Variants in WDR43 observed in about 807,000 individuals in gnomAD.
The protein encoded by WDR43 is WD repeat-containing protein 43.
A neutral mutation model predicts 91.4 loss-of-function variants in WDR43; 13 were observed. That is an observed-to-expected ratio of 0.14 (90% CI 0.09 to 0.23). The LOEUF is 0.23. Ranked by LOEUF, WDR43 falls within the 10% of genes least tolerant of loss-of-function variation. The probability of loss-of-function intolerance (pLI) is 1.00; values close to 1 mark genes in which losing one functional copy is unlikely to be tolerated. For synonymous variants in WDR43, 331 were observed against 287.9 expected, an observed-to-expected ratio of 1.15 and a Z score of -1.51; for missense variants, 780 against 809.4, an observed-to-expected ratio of 0.96 and a Z score of 0.44.
In WDR43 at chr2:28,918,051, CA is replaced by C; in HGVS notation, c.849+57del. ...TTGGGTTTCACAGATGTTATTTTTACAGTCAAGGTTTTGATGATTTAATGAC... is the reference window on the plus strand; with the variant it reads ...TTGGGTTTCACAGATGTTATTTTTACGTCAAGGTTTTGATGATTTAATGAC... On this transcript the variant is annotated intron_variant, in intron 6 of 17. Coordinates refer to ENST00000407426, the MANE Select transcript of WDR43 (RefSeq NM_015131.3). The C allele has an allele frequency of 4.2e-6, 6 of 1,424,702 alleles. No homozygotes were observed. In the South Asian group the frequency reaches 7.6e-5, roughly 18 times the overall value. 88.3% of individuals were successfully genotyped at this position (1,424,702 alleles called of 1,614,324 possible). A position where few individuals can be genotyped will look rare whatever the true frequency, so the allele number is the denominator to read the frequency against.
chr2:28,906,589 A>G lies in WDR43; in HGVS notation c.485+8A>G, dbSNP rs780193125. 3 of 1,610,634 alleles carry G rather than the reference A, an allele frequency of 1.9e-6. No individual in the cohort carries two copies. The Admixed American group carries it at 5.0e-5, about 27-fold the overall frequency. ...GACATGCAAAGTAAAGTGGTGAGTAACATTCATGGTATCAGGAAATGCAAT... is the reference window on the plus strand; with the variant it reads ...GACATGCAAAGTAAAGTGGTGAGTAGCATTCATGGTATCAGGAAATGCAAT... On this transcript the variant is annotated splice_region_variant and intron_variant, in intron 3 of 17. Coordinates refer to ENST00000407426, the MANE Select transcript of WDR43 (RefSeq NM_015131.3).
chr2:28,917,876 C>A lies in WDR43; in HGVS notation c.747-17C>A. 6.4e-7 allele frequency: 1 copy of A among 1,559,470 alleles called. No individual in the cohort carries two copies. Among genetic ancestry groups the A allele is most frequent in the South Asian group, 1.2e-5 (1 of 83,300 alleles). ...TAAATCTGTCTTGCTATCTAACTTG[C>A]TGGTTTTGTTATCTAGGCAGGTCCG... On this transcript the variant is annotated splice_polypyrimidine_tract_variant and intron_variant, in intron 5 of 17. Coordinates refer to ENST00000407426, the MANE Select transcript of WDR43 (RefSeq NM_015131.3).
chr2:28,946,875 A>G lies in WDR43; in HGVS notation c.*96A>G. 2.2e-6 allele frequency: 3 copies of G among 1,389,968 alleles called. No homozygotes were observed. In the South Asian group the frequency reaches 4.6e-5, roughly 21 times the overall value. The allele number at this position is 1,389,968 out of a possible 1,614,324, so 86.1% of individuals were successfully genotyped here. ...GTGCCAGGATGCCAAGGACCGCTGC[A>G]CATTTCCAAATTCACAGCAGTGGAT... On this transcript the variant is annotated 3_prime_UTR_variant, in exon 18 of 18. Coordinates refer to ENST00000407426, the MANE Select transcript of WDR43 (RefSeq NM_015131.3).
In WDR43 at chr2:28,917,886, T is replaced by C; in HGVS notation, c.747-7T>C. The C allele has an allele frequency of 6.4e-7, 1 of 1,563,716 alleles. No individual in the cohort carries two copies. The highest frequency in any genetic ancestry group is 8.7e-7 in the Non-Finnish European group (1 of 1,154,180). ...TTGCTATCTAACTTGCTGGTTTTGT[T>C]ATCTAGGCAGGTCCGATCAGAAAAC... On this transcript the variant is annotated splice_region_variant and splice_polypyrimidine_tract_variant and intron_variant, in intron 5 of 17. Transcript: ENST00000407426.
In WDR43 at chr2:28,894,683, C is replaced by T; in HGVS notation, c.-16C>T. On this transcript the variant is annotated 5_prime_UTR_variant, in exon 1 of 18. Coordinates refer to ENST00000407426, the MANE Select transcript of WDR43 (RefSeq NM_015131.3). Reference sequence around the variant, plus strand: ...CGCACGGACGAACACGTGGCTGCAGCGGGGCCAGAGCAGCAATGGCGGCGG... The same window carrying T: ...CGCACGGACGAACACGTGGCTGCAGTGGGGCCAGAGCAGCAATGGCGGCGG... 7 of 1,543,578 alleles carry T rather than the reference C, an allele frequency of 4.5e-6. No homozygotes were observed. Among genetic ancestry groups the T allele is most frequent in the Non-Finnish European group, 5.2e-6 (6 of 1,143,102 alleles).
intron 1 of WDR43, among the ~76,000 whole-genome samples, chr2:28,898,521 T>C (rs1033731359): frequency 5.9e-5 from 9 of 152,234 alleles, no homozygotes; most frequent in African/African-American, 1.9e-4. Flanking sequence ...TTCACTGTTA[T>C]CTGTGAAACA....
rs1671577463 is a variant in WDR43, at chr2:28,947,873, T to G, written c.*1094T>G. On this transcript the variant is annotated 3_prime_UTR_variant, in exon 18 of 18. Coordinates refer to ENST00000407426, the MANE Select transcript of WDR43 (RefSeq NM_015131.3). ...CAAATTATCAGTAGTAGTTTTTTTT[T>G]TTTTTTTTTTTTTTTTAAAGAATGA... 2.7e-5 allele frequency: 4 copies of G among 147,770 alleles called. No homozygotes were observed. Among genetic ancestry groups the G allele is most frequent in the African/African-American group, 9.8e-5 (4 of 40,774 alleles). 9.2% of individuals were successfully genotyped at this position (147,770 alleles called of 1,614,324 possible).
At chr2:28,936,750 T>C (rs1042494588) in intron 12 of WDR43, among the ~76,000 whole-genome samples, 172 bp from the exon 13 acceptor site, 3 of 152,186 alleles carry the variant, frequency 2.0e-5, no homozygotes, top group African/African-American at 7.2e-5. Context: ...TCCTAGACTT[T>C]TATCAGCTAA....
intron 1 of WDR43, chr2:28,895,661 G>A (rs1290709044): frequency 3.3e-5 from 5 of 152,062 alleles, no homozygotes; most frequent in African/African-American, 7.2e-5. Flanking sequence ...TTTTATGAGT[G>A]CAGATGAAAT....
rs569995479 is a variant in WDR43 at position 28,922,992 on chromosome 2, G to A, written c.914+9G>A. The A allele has an allele frequency of 6.2e-6, 10 of 1,606,210 alleles. No homozygotes were observed. The East Asian group carries it at 1.8e-4, about 29-fold the overall frequency. On this transcript the variant is annotated intron_variant, in intron 7 of 17. Coordinates refer to ENST00000407426, the MANE Select transcript of WDR43 (RefSeq NM_015131.3). ...GAACACATATTAAATGGGTAAGTAA[G>A]AAATTTTCCAAGTAAGAAATTTGTT...
rs554217226 is a variant in WDR43 at position 28,916,810 on chromosome 2, A to T, written c.747-1083A>T. ...TTTTCATCTATTTATTTTTTTGTTT[A>T]TATTATTTATATTGTAAAGGTAGCC... On this transcript the variant is annotated intron_variant, in intron 5 of 17. Transcript: ENST00000407426. Among the ~76,000 whole-genome samples the T allele has an allele frequency of 3.4e-3, 510 of 151,958 alleles. 1 individual carries two copies. The highest frequency in any genetic ancestry group is 6.1e-3 in the Non-Finnish European group (417 of 67,948).
chr2:28,925,336 C>T (rs1671107895), intron 8 of WDR43, among the ~76,000 whole-genome samples, 183 bp downstream of exon 8: 2 of 151,986 alleles, frequency 1.3e-5, no homozygotes, highest in African/African-American at 4.8e-5. Context: ...AATTTAACAC[C>T]TGGTCAGTTT....
At chr2:28,937,492 A>G (rs1671357149) in intron 13 of WDR43, among the ~76,000 whole-genome samples, 1 of 152,148 alleles carries the variant, frequency 6.6e-6, no homozygotes, top group South Asian at 2.1e-4. Flanking sequence ...TTCATTAATT[A>G]TGACTTTTTT....
chr2:28,906,791 A>G (rs941551520), intron 3 of WDR43, among the ~76,000 whole-genome samples: 2 of 152,248 alleles, frequency 1.3e-5, no homozygotes, highest in Non-Finnish European at 2.9e-5. Flanking sequence ...TGTATGAGAG[A>G]TGTCACAAGG....
intron 2 of WDR43, 129 bp downstream of exon 2, chr2:28,902,253 A>G (rs1016572655): frequency 6.6e-6 from 6 of 902,920 alleles, no homozygotes; most frequent in Admixed American, 3.0e-5. Flanking sequence ...AGTCTCATCT[A>G]CGTTTAAATA....
chr2:28,932,155 TAG>T lies in WDR43; in HGVS notation c.1437+2446_1437+2447del, dbSNP rs1671260221. Among the ~76,000 whole-genome samples, 3 of 152,100 alleles carry T rather than the reference TAG, an allele frequency of 2.0e-5. No individual in the cohort carries two copies. The South Asian group carries it at 6.2e-4, about 32-fold the overall frequency. On this transcript the variant is annotated intron_variant, in intron 11 of 17. Coordinates refer to ENST00000407426, the MANE Select transcript of WDR43 (RefSeq NM_015131.3). Reference sequence around the variant, plus strand: ...AGCCTCACAAAGTGCTGGCATAGAATAGCCCTTTCAGAAAATTTTTATTCTAT... The same window carrying T: ...AGCCTCACAAAGTGCTGGCATAGAATCCCTTTCAGAAAATTTTTATTCTAT...
At chr2:28,923,987 T>C (rs1022345266) in intron 7 of WDR43, among the ~76,000 whole-genome samples, 15 of 152,136 alleles carry the variant, frequency 9.9e-5, no homozygotes, top group African/African-American at 3.6e-4. Context: ...CCCCAAATCC[T>C]GGGTTTAGAG....
At chr2:28,931,506 G>T (rs189867276) in intron 11 of WDR43, among the ~76,000 whole-genome samples, 1 of 152,316 alleles carries the variant, frequency 6.6e-6, no homozygotes, top group East Asian at 1.9e-4. Context: ...AGCATTCCAT[G>T]TTCAAGATTT....
intron 3 of WDR43, among the ~76,000 whole-genome samples, chr2:28,909,441 T>C (rs116431562): frequency 0.011 from 1,625 of 152,300 alleles, 30 homozygotes; most frequent in African/African-American, 0.036. Context: ...CCATGAATTA[T>C]CTTCTTTTGT....
Sources: allele counts gnomAD v4.1 joint callset (sites outside exome capture counted in the v4.1 genomes callset), GRCh38; gene constraint gnomAD v4.1.1; transcripts MANE v1.5; gene names NCBI Gene and HGNC (gene_info 2026-07-23, HGNC 2026-07-21).